The following PLEKHM3 variants were observed in gnomAD, a reference collection of about 807,000 sequenced individuals.
The protein encoded by PLEKHM3 is pleckstrin homology domain-containing family M member 3.
A neutral mutation model predicts 81.8 loss-of-function variants in PLEKHM3; 45 were observed. That is an observed-to-expected ratio of 0.55 (90% CI 0.43 to 0.71). The LOEUF (loss-of-function observed/expected upper bound fraction) is 0.71. Ranked by LOEUF, PLEKHM3 falls within the 30% of genes least tolerant of loss-of-function variation. The probability of loss-of-function intolerance (pLI) is 0.00; values close to 1 mark genes in which losing one functional copy is unlikely to be tolerated. For synonymous variants in PLEKHM3, 352 were observed against 356.4 expected, an observed-to-expected ratio of 0.99 and a Z score of 0.14; for missense variants, 788 against 924.3, an observed-to-expected ratio of 0.85 and a Z score of 1.91.
intron 6 of PLEKHM3, among the ~76,000 whole-genome samples, chr2:207,880,152 A>G (rs1394291853): frequency 3.9e-5 from 6 of 152,256 alleles, no homozygotes; most frequent in Non-Finnish European, 7.3e-5. Flanking sequence ...CACACCTGCA[A>G]TCTCAGCACT....
At chr2:207,909,399 T>G (rs185756275) in intron 5 of PLEKHM3, among the ~76,000 whole-genome samples, 1 of 152,304 alleles carries the variant, frequency 6.6e-6, no homozygotes. Flanking sequence ...TTTGTCTTAT[T>G]TGGTACTATG....
chr2:207,912,390 T>C (rs1256940754), intron 5 of PLEKHM3, among the ~76,000 whole-genome samples: 1 of 152,230 alleles, frequency 6.6e-6, no homozygotes, highest in Non-Finnish European at 1.5e-5. Flanking sequence ...TACTGTCTTC[T>C]CCATCACACT....
chr2:208,015,973 C>G (rs1254394779), intron 1 of PLEKHM3, among the ~76,000 whole-genome samples: 1 of 152,108 alleles, frequency 6.6e-6, no homozygotes, highest in Non-Finnish European at 1.5e-5. Context: ...GCAGGTGGAT[C>G]ACCTGAGGTG....
intron 7 of PLEKHM3, among the ~76,000 whole-genome samples, chr2:207,836,907 G>C (rs948829196): frequency 6.6e-6 from 1 of 152,224 alleles, no homozygotes; most frequent in African/African-American, 2.4e-5. Context: ...CAGAGCCTTG[G>C]CTGGTTTCCA....
chr2:207,836,654 T>C (rs1247881235), intron 7 of PLEKHM3, among the ~76,000 whole-genome samples: 4 of 152,198 alleles, frequency 2.6e-5, no homozygotes, highest in Non-Finnish European at 5.9e-5. Flanking sequence ...ACAGGCCCAA[T>C]GGCTTTGTCT....
intron 3 of PLEKHM3, among the ~76,000 whole-genome samples, chr2:207,961,508 T>TA (rs1690731953): frequency 6.6e-6 from 1 of 152,248 alleles, no homozygotes; most frequent in Non-Finnish European, 1.5e-5. Context: ...CTGGAAGTGG[T>TA]ATATGGTAAG....
At chr2:207,945,438 A>G (rs1206099103) in intron 4 of PLEKHM3, among the ~76,000 whole-genome samples, 2 of 152,134 alleles carry the variant, frequency 1.3e-5, no homozygotes, top group African/African-American at 2.4e-5. Flanking sequence ...TCTCCTTTTT[A>G]AAAAACAGCA....
At chr2:207,892,422 C>T (rs913645275) in intron 6 of PLEKHM3, among the ~76,000 whole-genome samples, 15 of 152,156 alleles carry the variant, frequency 9.9e-5, no homozygotes, top group Non-Finnish European at 2.9e-5. Flanking sequence ...AGCTTCTCCT[C>T]CACTGTTAAC....
At chr2:207,882,378 G>C (rs1387712461) in intron 6 of PLEKHM3, among the ~76,000 whole-genome samples, 2 of 151,812 alleles carry the variant, frequency 1.3e-5, no homozygotes, top group Non-Finnish European at 2.9e-5. Flanking sequence ...TTGGGAGGCT[G>C]AGGCAGGTGG....
intron 6 of PLEKHM3, among the ~76,000 whole-genome samples, chr2:207,875,643 C>T (rs1340054510): frequency 1.3e-5 from 2 of 152,100 alleles, no homozygotes; most frequent in African/African-American, 2.4e-5. Flanking sequence ...GAAACACTGG[C>T]CAGATTGAAA....
intron 6 of PLEKHM3, among the ~76,000 whole-genome samples, chr2:207,865,903 G>A (rs1261715689): frequency 1.5e-5 from 2 of 134,332 alleles, no homozygotes; most frequent in Non-Finnish European, 3.1e-5. Context: ...ATAATATGTA[G>A]TCTTTTATGA....
At chr2:207,997,722 C>T (rs770239011) in intron 2 of PLEKHM3, among the ~76,000 whole-genome samples, 4 of 152,120 alleles carry the variant, frequency 2.6e-5, no homozygotes, top group Non-Finnish European at 5.9e-5. Flanking sequence ...GCCTTTGGTA[C>T]ATTTCAACAA....
At chr2:207,849,668 T>A (rs1205481230) in intron 7 of PLEKHM3, among the ~76,000 whole-genome samples, 1 of 152,218 alleles carries the variant, frequency 6.6e-6, no homozygotes, top group Non-Finnish European at 1.5e-5. Flanking sequence ...CTGTCATCAG[T>A]GAAACACCTT....
At chr2:208,010,998 G>A (rs1461428338) in intron 1 of PLEKHM3, among the ~76,000 whole-genome samples, 1 of 147,300 alleles carries the variant, frequency 6.8e-6, no homozygotes, top group Non-Finnish European at 1.5e-5. Context: ...CATCACTAAT[G>A]ATCAGGGAAA....
chr2:207,862,382 A>G lies in PLEKHM3; in HGVS notation c.1951-1120T>C, dbSNP rs865968976. On this transcript the variant is annotated intron_variant, in intron 6 of 7. Coordinates refer to ENST00000427836, the MANE Select transcript of PLEKHM3 (RefSeq NM_001080475.3). ...CTGGGTGCTATGGCTCACGCTTGCA[A>G]TCCCAGCACTTTGGGAGGCTGAGGC... Among the ~76,000 whole-genome samples the G allele has an allele frequency of 2.6e-5, 4 of 151,926 alleles. No homozygotes were observed. In the Middle Eastern group the frequency reaches 0.014, roughly 517 times the overall value.
chr2:207,842,808 C>T (rs1011366562), intron 7 of PLEKHM3, among the ~76,000 whole-genome samples: 2 of 152,120 alleles, frequency 1.3e-5, no homozygotes, highest in African/African-American at 2.4e-5. Context: ...ACCACACATA[C>T]TCATAAGACA....
intron 4 of PLEKHM3, among the ~76,000 whole-genome samples, chr2:207,933,185 C>A (rs934153417): frequency 2.0e-5 from 3 of 152,084 alleles, no homozygotes; most frequent in Non-Finnish European, 2.9e-5. Context: ...ACTATCTAAC[C>A]AGATTGGAAA....
intron 6 of PLEKHM3, among the ~76,000 whole-genome samples, chr2:207,890,409 C>T (rs1184117143): frequency 3.9e-5 from 6 of 152,124 alleles, no homozygotes; most frequent in Non-Finnish European, 8.8e-5. Flanking sequence ...GGGTGGATCA[C>T]TTGAGGTCAG....
intron 4 of PLEKHM3, among the ~76,000 whole-genome samples, chr2:207,942,251 G>C (rs780112273): frequency 2.6e-5 from 4 of 152,228 alleles, no homozygotes; most frequent in Admixed American, 6.5e-5. Flanking sequence ...TCCAGGTGTG[G>C]TGGCTCATGC....
Sources: allele counts gnomAD v4.1 joint callset (sites outside exome capture counted in the v4.1 genomes callset), GRCh38; gene constraint gnomAD v4.1.1; transcripts MANE v1.5; gene names NCBI Gene and HGNC (gene_info 2026-07-23, HGNC 2026-07-21).